The following LANCL2 variants were observed in gnomAD, a reference collection of about 807,000 sequenced individuals.
The protein encoded by LANCL2 is LanC like glutathione S-transferase 2.
Under a neutral mutation model 56.9 loss-of-function variants are expected in LANCL2, and 33 were observed. The observed-to-expected ratio is 0.58, with a 90% CI of 0.44 to 0.78. LANCL2 has a LOEUF of 0.78. LANCL2 is among the 30% of genes least tolerant of loss of function. The probability of loss-of-function intolerance (pLI) is 0.00; values close to 1 mark genes in which losing one functional copy is unlikely to be tolerated. For synonymous variants in LANCL2, 233 were observed against 228.2 expected (o/e 1.02, Z -0.19); for missense variants, 562 against 580.2 (o/e 0.97, Z 0.32).
At chr7:55,401,078 C>CTA (rs1562863723) in intron 4 of LANCL2, 96 bp from the exon 5 acceptor site, 3 of 911,472 alleles carry the variant, frequency 3.3e-6, no homozygotes, top group African/African-American at 1.7e-5. Flanking sequence ...CTGCCTCTCT[C>CTA]TCTATATATG....
chr7:55,377,605 T>C (rs1400668742), intron 1 of LANCL2, among the ~76,000 whole-genome samples: 1 of 152,194 alleles, frequency 6.6e-6, no homozygotes, highest in African/African-American at 2.4e-5. Context: ...ATGTGCCTTG[T>C]GTATCATTTG....
chr7:55,425,467 C>A, intron 7 of LANCL2, 37 bp downstream of exon 7: 1 of 1,589,680 alleles, frequency 6.3e-7, no homozygotes, highest in Non-Finnish European at 8.6e-7. Context: ...TCTGAACAAC[C>A]CCGAGTGTGC....
intron 6 of LANCL2, 28 bp from the exon 7 acceptor site, chr7:55,425,226 A>G (rs1476322110): frequency 1.2e-6 from 2 of 1,606,460 alleles, no homozygotes; most frequent in Non-Finnish European, 8.5e-7. Flanking sequence ...CTGTCTTTTT[A>G]ACACTGCTTT....
intron 2 of LANCL2, 138 bp downstream of exon 2, chr7:55,392,048 AT>A: frequency 6.0e-6 from 3 of 499,552 alleles, no homozygotes; most frequent in Non-Finnish European, 1.1e-5. Context: ...ATCCCAGCAC[AT>A]TTGGAGGCCG....
rs542272757 is a variant in LANCL2, at chr7:55,428,257, G to A, written c.1186-118G>A. 3.5e-6 allele frequency: 3 copies of A among 865,394 alleles called. No homozygotes were observed. In the Admixed American group the frequency reaches 5.6e-5, roughly 16 times the overall value. 53.6% of individuals were successfully genotyped at this position (865,394 alleles called of 1,614,324 possible). ...TGCAGTAGCCCATGGAGCCCACGCT[G>A]AATGCCCTACAGCTGGGGGTCCACT... On this transcript the variant is annotated intron_variant, in intron 7 of 8. Coordinates refer to ENST00000254770, the MANE Select transcript of LANCL2 (RefSeq NM_018697.4).
At chr7:55,425,567 A>T in intron 7 of LANCL2, 137 bp downstream of exon 7, 1 of 773,398 alleles carries the variant, frequency 1.3e-6, no homozygotes, top group Non-Finnish European at 2.1e-6. Flanking sequence ...CTTCTGGCAC[A>T]GCCTTATCTG....
chr7:55,411,849 A>G lies in LANCL2; in HGVS notation c.826-58A>G, dbSNP rs781226984. On this transcript the variant is annotated intron_variant, in intron 5 of 8. Transcript: ENST00000254770. ...TTGATGTTTTGTTAGCCATGATACA[A>G]TGTAAAAGAAATAACTTCAGAGAAA... is the stretch of plus-strand genomic sequence containing the variant. 2.7e-6 allele frequency: 4 copies of G among 1,493,784 alleles called. No individual in the cohort carries two copies. The East Asian group carries it at 6.9e-5, about 26-fold the overall frequency. 92.5% of individuals were successfully genotyped at this position (1,493,784 alleles called of 1,614,324 possible). A position where few individuals can be genotyped will look rare whatever the true frequency, so the allele number is the denominator to read the frequency against.
chr7:55,403,696 C>T (rs977374677), intron 5 of LANCL2, among the ~76,000 whole-genome samples: 9 of 151,288 alleles, frequency 5.9e-5, no homozygotes, highest in African/African-American at 2.2e-4. Context: ...CTCAGCCACC[C>T]GAGCAGCTGG....
chr7:55,397,905 A>G (rs6965302), intron 2 of LANCL2, among the ~76,000 whole-genome samples: 53,130 of 151,778 alleles, frequency 0.35, 9,781 homozygotes, highest in African/African-American at 0.42. Flanking sequence ...TCACCAGTTC[A>G]TTGGTCAGTT....
At chr7:55,420,011 G>T (rs1351514494) in intron 6 of LANCL2, among the ~76,000 whole-genome samples, 1 of 152,016 alleles carries the variant, frequency 6.6e-6, no homozygotes. Context: ...AATTATCTGG[G>T]CATGGTGGTG....
intron 1 of LANCL2, among the ~76,000 whole-genome samples, chr7:55,391,014 C>CTTTTTTTT (rs576740411): frequency 2.6e-5 from 3 of 113,722 alleles, no homozygotes; most frequent in African/African-American, 1.0e-4. Flanking sequence ...AGTGATTGAA[C>CTTTTTTTT]TTTTTTTTTT....
chr7:55,390,778 C>CAAA (rs556762101), intron 1 of LANCL2, among the ~76,000 whole-genome samples: 26 of 138,658 alleles, frequency 1.9e-4, no homozygotes, highest in Non-Finnish European at 2.2e-4. Flanking sequence ...AAAACTGTCT[C>CAAA]AAAAAAAAAA....
intron 2 of LANCL2, among the ~76,000 whole-genome samples, chr7:55,392,924 T>C (rs1216912977): frequency 6.6e-6 from 1 of 152,206 alleles, no homozygotes; most frequent in African/African-American, 2.4e-5. Flanking sequence ...TTCTGTGATA[T>C]AAACTAACTA....
intron 1 of LANCL2, among the ~76,000 whole-genome samples, chr7:55,380,037 T>C (rs1335823057): frequency 2.0e-5 from 3 of 152,236 alleles, no homozygotes; most frequent in African/African-American, 7.2e-5. Context: ...TTTACCACCA[T>C]GGTTGAGTAG....
chr7:55,396,669 C>T (rs1790257033), intron 2 of LANCL2, among the ~76,000 whole-genome samples: 2 of 151,886 alleles, frequency 1.3e-5, no homozygotes, highest in Non-Finnish European at 2.9e-5. Flanking sequence ...CCTAGTGCAA[C>T]GTGTCCGCCT....
intron 2 of LANCL2, among the ~76,000 whole-genome samples, chr7:55,395,482 C>G (rs1302484955): frequency 2.0e-5 from 3 of 151,486 alleles, no homozygotes; most frequent in Non-Finnish European, 4.4e-5. Flanking sequence ...AGAAATGAAA[C>G]CAAAGCGCAA....
At chr7:55,419,373 AGT>A (rs1260236477) in intron 6 of LANCL2, among the ~76,000 whole-genome samples, 1 of 148,056 alleles carries the variant, frequency 6.8e-6, no homozygotes, top group Non-Finnish European at 1.5e-5. Flanking sequence ...TAAGGTCTGA[AGT>A]GATAGTTTCT....
rs531884584 is a variant in LANCL2, at chr7:55,405,811, G to A, written c.825+4491G>A. Among the ~76,000 whole-genome samples, 10 of 152,176 alleles carry A rather than the reference G, an allele frequency of 6.6e-5. No homozygotes were observed. In the South Asian group the frequency reaches 8.3e-4, roughly 13 times the overall value. On this transcript the variant is annotated intron_variant, in intron 5 of 8. Transcript: ENST00000254770. Reference sequence around the variant, plus strand: ...AATACTCCATTGATCTGCTTTTAAAGTGAGGAACTTGGAACACTATGTAGT... The same window carrying A: ...AATACTCCATTGATCTGCTTTTAAAATGAGGAACTTGGAACACTATGTAGT...
At chr7:55,385,823 G>A (rs1180511262) in intron 1 of LANCL2, among the ~76,000 whole-genome samples, 3 of 152,152 alleles carry the variant, frequency 2.0e-5, no homozygotes, top group African/African-American at 4.8e-5. Context: ...GCCTGGGAGC[G>A]CTATGGGAGA....
Sources: allele counts gnomAD v4.1 joint callset (sites outside exome capture counted in the v4.1 genomes callset), GRCh38; gene constraint gnomAD v4.1.1; transcripts MANE v1.5; gene names NCBI Gene and HGNC (gene_info 2026-07-23, HGNC 2026-07-21).